ROBO2: variants seen among roughly 807,000 people sequenced by gnomAD.
The protein encoded by ROBO2 is roundabout homolog 2.
A neutral mutation model predicts 160.8 loss-of-function variants in ROBO2; 53 were observed. That is an observed-to-expected ratio of 0.33 (90% CI 0.26 to 0.41). ROBO2 has a LOEUF of 0.41. ROBO2 is among the 10% of genes least tolerant of loss of function. ROBO2 has a pLI of 1.00. For synonymous variants in ROBO2, 664 were observed against 611.7 expected (o/e 1.09, Z -1.26); for missense variants, 1,577 against 1,722.4 (o/e 0.92, Z 1.49).
chr3:76,335,652 A>C (rs1003971306), intron 2 of ROBO2, among the ~76,000 whole-genome samples: 1 of 150,398 alleles, frequency 6.6e-6, no homozygotes, highest in Non-Finnish European at 1.5e-5. Flanking sequence ...ATCTCGGCTC[A>C]CTGCAAGCTC....
intron 2 of ROBO2, among the ~76,000 whole-genome samples, chr3:77,430,910 A>G (rs373414871): frequency 9.9e-5 from 15 of 152,188 alleles, no homozygotes; most frequent in African/African-American, 3.6e-4. Context: ...TTGTGCCTGT[A>G]TCTCATCTGC....
chr3:76,438,484 T>A (rs956199655), intron 2 of ROBO2, among the ~76,000 whole-genome samples: 4 of 151,548 alleles, frequency 2.6e-5, no homozygotes, highest in Non-Finnish European at 5.9e-5. Flanking sequence ...CATAAAGTAA[T>A]CCTATAAAAA....
intron 2 of ROBO2, among the ~76,000 whole-genome samples, chr3:76,349,059 A>T (rs552073743): frequency 1.3e-5 from 2 of 152,084 alleles, no homozygotes; most frequent in African/African-American, 4.8e-5. Context: ...TGGTAATCTT[A>T]CTGTTTAAGA....
chr3:76,622,226 G>GAAAGAAAGAAAGAAAGAAAGAAAGAAA lies in ROBO2; in HGVS notation c.110-475788_110-475787insAAAGAAAGAAAGAAAGAAAGAAAGAAA, dbSNP rs1560251683. Among the ~76,000 whole-genome samples the GAAAGAAAGAAAGAAAGAAAGAAAGAAA allele has an allele frequency of 1.3e-4, 7 of 54,326 alleles. 1 individual carries two copies. Among genetic ancestry groups the GAAAGAAAGAAAGAAAGAAAGAAAGAAA allele is most frequent in the East Asian group, 6.5e-4 (1 of 1,550 alleles). The allele number at this position is 54,326 out of a possible 152,430, so 35.6% of individuals were successfully genotyped here. A position where few individuals can be genotyped will look rare whatever the true frequency, so the allele number is the denominator to read the frequency against. On this transcript the variant is annotated intron_variant, in intron 2 of 26. Coordinates refer to the ROBO2 transcript ENST00000487694. ...AGGAAGGAAGGAAGGAAGGAAGGAA[G>GAAAGAAAGAAAGAAAGAAAGAAAGAAA]GAAGGAAGGAAGAAAGAAAGAAAGA...
intron 2 of ROBO2, among the ~76,000 whole-genome samples, chr3:76,053,002 T>C (rs2067705196): frequency 6.6e-6 from 1 of 152,052 alleles, no homozygotes; most frequent in Non-Finnish European, 1.5e-5. Flanking sequence ...TGAATTAAGC[T>C]TTAACTTTGA....
At chr3:77,578,046 C>T (rs1010055027) in intron 15 of ROBO2, among the ~76,000 whole-genome samples, 11 of 151,908 alleles carry the variant, frequency 7.2e-5, no homozygotes, top group Non-Finnish European at 1.0e-4. Context: ...GTGGCAGCAC[C>T]GACTCTCACT....
chr3:76,452,394 A>G (rs2077523194), intron 2 of ROBO2, among the ~76,000 whole-genome samples: 1 of 151,940 alleles, frequency 6.6e-6, no homozygotes, highest in Non-Finnish European at 1.5e-5. Context: ...CTCATTGTTC[A>G]ATTCCCAGCT....
intron 2 of ROBO2, among the ~76,000 whole-genome samples, chr3:76,171,190 C>T (rs1419652701): frequency 1.3e-5 from 2 of 152,088 alleles, no homozygotes; most frequent in African/African-American, 2.4e-5. Flanking sequence ...ATTATTTTCA[C>T]AATTTCTGAT....
At chr3:77,016,357 G>C (rs1041726267) in intron 2 of ROBO2, among the ~76,000 whole-genome samples, 3 of 152,078 alleles carry the variant, frequency 2.0e-5, no homozygotes, top group Non-Finnish European at 2.9e-5. Context: ...CTGTAAATCA[G>C]ATCCATACAT....
intron 2 of ROBO2, among the ~76,000 whole-genome samples, chr3:77,362,169 A>G (rs780895350): frequency 5.9e-5 from 9 of 152,168 alleles, no homozygotes; most frequent in Admixed American, 2.6e-4. Flanking sequence ...ACAATCAGTC[A>G]ATGATACTTG....
chr3:77,538,135 TAGAA>T (rs926619507), intron 6 of ROBO2, among the ~76,000 whole-genome samples: 6 of 150,172 alleles, frequency 4.0e-5, no homozygotes, highest in African/African-American at 1.2e-4. Flanking sequence ...AATAGTTAAT[TAGAA>T]AGGTAGGTAA....
chr3:76,114,425 TA>T (rs942022929), intron 2 of ROBO2, among the ~76,000 whole-genome samples: 2 of 152,212 alleles, frequency 1.3e-5, no homozygotes, highest in East Asian at 1.9e-4. Context: ...TAATATTAAA[TA>T]AAAAAATTAT....
chr3:76,804,722 T>C (rs1362881271), intron 2 of ROBO2, among the ~76,000 whole-genome samples: 1 of 152,192 alleles, frequency 6.6e-6, no homozygotes, highest in Non-Finnish European at 1.5e-5. Context: ...CAACCTCCTA[T>C]GACTGTTCTG....
At chr3:76,487,453 T>C (rs777492836) in intron 2 of ROBO2, among the ~76,000 whole-genome samples, 1 of 152,194 alleles carries the variant, frequency 6.6e-6, no homozygotes, top group Non-Finnish European at 1.5e-5. Flanking sequence ...TAAAAATATA[T>C]AGATTTTCTA....
chr3:77,146,380 G>A (rs1477928255), intron 2 of ROBO2, among the ~76,000 whole-genome samples: 1 of 152,164 alleles, frequency 6.6e-6, no homozygotes, highest in African/African-American at 2.4e-5. Context: ...GCCTGGTAAC[G>A]TGGTAGTGGG....
intron 2 of ROBO2, among the ~76,000 whole-genome samples, chr3:76,387,146 G>C (rs748748315): frequency 6.6e-6 from 1 of 152,134 alleles, no homozygotes; most frequent in Non-Finnish European, 1.5e-5. Flanking sequence ...GGTCGAGGGG[G>C]AGAAAGGTTT....
chr3:76,088,838 G>A (rs545606131), intron 2 of ROBO2, among the ~76,000 whole-genome samples: 1 of 151,916 alleles, frequency 6.6e-6, no homozygotes, highest in Admixed American at 6.6e-5. Context: ...TCCAAAGTAG[G>A]CAGAGAAAAG....
intron 2 of ROBO2, among the ~76,000 whole-genome samples, chr3:77,426,608 CTGTGTGTG>C (rs9309768): frequency 7.1e-6 from 1 of 140,550 alleles, no homozygotes; most frequent in East Asian, 2.1e-4. Flanking sequence ...ATGTGTGTGT[CTGTGTGTG>C]TGTGTGTGTG....
chr3:76,390,452 AT>A (rs1167431539), intron 2 of ROBO2, among the ~76,000 whole-genome samples: 2 of 152,188 alleles, frequency 1.3e-5, no homozygotes, highest in African/African-American at 4.8e-5. Flanking sequence ...TAAGACATAC[AT>A]TAAAGAGATT....
Sources: gnomAD v4.1 joint callset for allele counts (sites outside exome capture counted in the v4.1 genomes callset) on GRCh38, gnomAD v4.1.1 for gene constraint, MANE v1.5 for transcripts, NCBI Gene and HGNC (gene_info 2026-07-23, HGNC 2026-07-21) for gene names.